ORC1: variants seen among roughly 807,000 people sequenced by gnomAD.
ORC1 encodes the protein origin recognition complex, subunit 1 homolog.
A neutral mutation model predicts 98.9 loss-of-function variants in ORC1; 61 were observed. The ratio of observed to expected loss-of-function variants is 0.62; its 90% CI spans 0.50 to 0.76. The LOEUF (loss-of-function observed/expected upper bound fraction) is 0.76, where lower values mean the gene tolerates loss of function less well. Ranked by LOEUF, ORC1 falls within the 30% of genes least tolerant of loss-of-function variation. The probability of loss-of-function intolerance (pLI) is 0.00; values close to 1 mark genes in which losing one functional copy is unlikely to be tolerated. For synonymous variants in ORC1, 385 were observed against 406.9 expected (o/e 0.95, Z 0.65); for missense variants, 979 against 1,072.2 (o/e 0.91, Z 1.21).
chr1:52,400,503 T>C (rs1569959391), intron 3 of ORC1, among the ~76,000 whole-genome samples: 1 of 152,336 alleles, frequency 6.6e-6, no homozygotes, highest in East Asian at 1.9e-4. Flanking sequence ...ACTATAGTAA[T>C]ATAAAACATC....
intron 3 of ORC1, among the ~76,000 whole-genome samples, chr1:52,398,701 C>T (rs560205475): frequency 6.9e-4 from 105 of 152,270 alleles, no homozygotes; most frequent in African/African-American, 2.3e-3. Context: ...CCTGCCTCAG[C>T]CTCCCAATTA....
At chr1:52,396,402 G>C in intron 4 of ORC1, 38 bp from the exon 5 acceptor site, 1 of 1,613,320 alleles carries the variant, frequency 6.2e-7, no homozygotes, top group East Asian at 2.2e-5. Flanking sequence ...GAAGAGATGA[G>C]CCCCAAGAGA....
intron 14 of ORC1, among the ~76,000 whole-genome samples, chr1:52,380,034 C>A (rs1490007066): frequency 2.0e-5 from 3 of 152,120 alleles, no homozygotes; most frequent in Non-Finnish European, 4.4e-5. Flanking sequence ...AAGAGGTGTC[C>A]CTTACCAAAA....
upstream of ORC1, chr1:52,404,940 C>T: frequency 6.3e-7 from 1 of 1,590,484 alleles, no homozygotes; most frequent in Non-Finnish European, 8.6e-7. Flanking sequence ...CCTGACCGAG[C>T]GCGGGTAGGA....
chr1:52,389,148 T>G, intron 7 of ORC1, 69 bp downstream of exon 7: 1 of 1,115,346 alleles, frequency 9.0e-7, no homozygotes, highest in Non-Finnish European at 1.4e-6. Context: ...ATAAGAGGCA[T>G]TAGGAGATAA....
chr1:52,373,518 T>C, intron 16 of ORC1, 143 bp from the exon 17 acceptor site: 1 of 721,818 alleles, frequency 1.4e-6, no homozygotes, highest in Non-Finnish European at 2.4e-6. Context: ...GGTGCCCCAG[T>C]GGTACACAAA....
At chr1:52,375,397 T>G in intron 15 of ORC1, 33 bp downstream of exon 15, 2 of 1,607,762 alleles carry the variant, frequency 1.2e-6, no homozygotes, top group Non-Finnish European at 1.7e-6. Flanking sequence ...TTCTACAGCC[T>G]TCCAGGAAGG....
rs903303094 is a variant in ORC1 at position 52,397,544 on chromosome 1, G to C, written c.402+141C>G. 65 of 820,704 alleles carry C rather than the reference G, an allele frequency of 7.9e-5. No individual in the cohort carries two copies. The African/African-American group carries it at 1.1e-3, about 13-fold the overall frequency. 50.8% of individuals were successfully genotyped at this position (820,704 alleles called of 1,614,324 possible). Reference sequence around the variant, plus strand: ...AATAAATATCTGTTGAGATGAAACAGACAGGCAAGCACAGAAGATGACAGG... The same window carrying C: ...AATAAATATCTGTTGAGATGAAACACACAGGCAAGCACAGAAGATGACAGG... On this transcript the variant is annotated intron_variant, in intron 4 of 16. Transcript: ENST00000371568.
chr1:52,384,582 C>T lies in ORC1; in HGVS notation c.1723G>A (p.Glu575Lys), dbSNP rs1647117404. Residue 575 changes from glutamate to lysine, a missense_variant, in exon 11 of 17, where the codon GAG becomes AAG. By Grantham distance (56) the Glu-to-Lys change is moderately conservative. Coordinates refer to ENST00000371568, the MANE Select transcript of ORC1 (RefSeq NM_004153.4). ...YIEVNGMKLT[E>K]PHQVYVQILQ... ...ATTTGCACATAGACTTGGTGGGGCT[C>T]CGTCAGCTTCATGCCATTGACCTCA... 6.2e-7 allele frequency: 1 copy of T among 1,614,144 alleles called. No individual in the cohort carries two copies. The highest frequency in any genetic ancestry group is 8.5e-7 in the Non-Finnish European group (1 of 1,180,000).
chr1:52,399,809 TCACACA>T (rs111460694), intron 3 of ORC1, among the ~76,000 whole-genome samples: 17 of 146,132 alleles, frequency 1.2e-4, no homozygotes, highest in South Asian at 2.2e-4. Context: ...TCTGTCACTG[TCACACA>T]CACACACACA....
intron 16 of ORC1, among the ~76,000 whole-genome samples, chr1:52,373,688 A>G (rs962619056): frequency 1.3e-5 from 2 of 152,222 alleles, no homozygotes; most frequent in African/African-American, 4.8e-5. Context: ...TTGTGAGTTA[A>G]TGGATATAAA....
In ORC1 at chr1:52,388,539, G is replaced by A. The variant is rs766273256; in HGVS notation, c.1286C>T (p.Pro429Leu). Residue 429 changes from proline to leucine, a missense_variant, in exon 8 of 17, where the codon CCG (proline) becomes CTG (leucine). Coordinates refer to ENST00000371568, the MANE Select transcript of ORC1 (RefSeq NM_004153.4). ...TCTGGGTGCTCTCCTTGGAAGGGGC[G>A]GTGTGGAAGCCTCTTCTTCGTCACT... ...SSSDEEEAST[P>L]PLPRRAPRTV... The A allele has an allele frequency of 9.3e-6, 15 of 1,613,632 alleles. No homozygotes were observed. Among genetic ancestry groups the A allele is most frequent in the East Asian group, 4.5e-5 (2 of 44,886 alleles).
At chr1:52,407,728 C>CTGGCCAACATGGG (rs1648037805), upstream of ORC1, among the ~76,000 whole-genome samples, 2 of 152,148 alleles carry the variant, frequency 1.3e-5, no homozygotes, top group South Asian at 4.1e-4. Context: ...CAAGACCAGC[C>CTGGCCAACATGGG]TGGCCAACAT....
chr1:52,408,269 T>C (rs1187816047), upstream of ORC1: 5 of 457,132 alleles, frequency 1.1e-5, no homozygotes, highest in Non-Finnish European at 2.1e-5. Context: ...AGTATTTCTT[T>C]TGATTCTTAG....
chr1:52,396,400 G>A (rs1647399157), intron 4 of ORC1, 36 bp from the exon 5 acceptor site: 1 of 1,613,398 alleles, frequency 6.2e-7, no homozygotes, highest in Non-Finnish European at 8.5e-7. Flanking sequence ...AGGAAGAGAT[G>A]AGCCCCAAGA....
intron 16 of ORC1, 125 bp downstream of exon 16, chr1:52,374,685 G>A (rs1646971786): frequency 1.4e-6 from 1 of 724,878 alleles, no homozygotes; most frequent in African/African-American, 1.7e-5. Context: ...ATAGGTGCCG[G>A]TCTGGTATTC....
In ORC1 at chr1:52,388,451, T is replaced by C. The variant is rs1647171910; in HGVS notation, c.1374A>G (p.Pro458=). The C allele has an allele frequency of 6.2e-7, 1 of 1,613,744 alleles. No individual in the cohort carries two copies. The highest frequency in any genetic ancestry group is 2.2e-5 in the East Asian group (1 of 44,896). Residue 458 remains proline, a synonymous_variant, in exon 8 of 17, where the codon CCA becomes CCG. Coordinates refer to ENST00000371568, the MANE Select transcript of ORC1 (RefSeq NM_004153.4). ...CCTAGAAGAACCTTACACTCTTCTT[T>C]GGCACCTTCGTGAGGGTATGTAAGG... ...KSSLHTLTKV[P]KKSLKPRTPR... is the part of the protein sequence containing the mutation.
intron 13 of ORC1, 67 bp from the exon 14 acceptor site, chr1:52,381,828 A>G: frequency 6.4e-7 from 1 of 1,574,232 alleles, no homozygotes; most frequent in South Asian, 1.1e-5. Flanking sequence ...GTGGAAAGTC[A>G]CCCTTGGGCC....
At chr1:52,394,127 G>A (rs1487668649) in intron 5 of ORC1, among the ~76,000 whole-genome samples, 3 of 152,156 alleles carry the variant, frequency 2.0e-5, no homozygotes, top group African/African-American at 7.2e-5. Flanking sequence ...GGGTGACATC[G>A]CATGCCTTCA....
Sources: allele counts gnomAD v4.1 joint callset (sites outside exome capture counted in the v4.1 genomes callset), GRCh38; gene constraint gnomAD v4.1.1; transcripts MANE v1.5; gene names NCBI Gene and HGNC (gene_info 2026-07-23, HGNC 2026-07-21).